FARSB: variants seen among roughly 807,000 people sequenced by gnomAD.
FARSB encodes phenylalanine--tRNA ligase beta subunit.
In FARSB, 40 loss-of-function variants were observed where a neutral mutation model predicts 69.6. The observed-to-expected ratio is 0.57, with a 90% confidence interval of 0.45 to 0.75. The LOEUF (loss-of-function observed/expected upper bound fraction) is 0.75, where lower values mean the gene tolerates loss of function less well. Among genes scored for constraint, FARSB ranks in the 30% least tolerant of loss-of-function variants. The pLI, the probability that FARSB is intolerant of heterozygous loss-of-function variation, is 0.00. For missense variants in FARSB, 632 were observed against 722.9 expected, an observed-to-expected ratio of 0.87 and a Z score of 1.44; for synonymous variants, 235 against 247.2, an observed-to-expected ratio of 0.95 and a Z score of 0.46.
chr2:222,614,949 T>C (rs1488649651), intron 14 of FARSB, among the ~76,000 whole-genome samples: 1 of 152,046 alleles, frequency 6.6e-6, no homozygotes, highest in African/African-American at 2.4e-5. Context: ...AGAATACAAA[T>C]ATGTAGGTGC....
At chr2:222,646,351 G>C (rs1691856800) in intron 2 of FARSB, among the ~76,000 whole-genome samples, 6 of 152,152 alleles carry the variant, frequency 3.9e-5, no homozygotes, top group Admixed American at 3.9e-4. Context: ...TATGAGGTAA[G>C]TTTTGTGTTG....
intron 14 of FARSB, 128 bp downstream of exon 14, chr2:222,619,517 C>T (rs897693614): frequency 8.3e-6 from 5 of 600,026 alleles, no homozygotes; most frequent in Admixed American, 5.6e-5. Flanking sequence ...TATAAACTTA[C>T]CCAAGAAGAT....
At chr2:222,639,997 T>C (rs1691678603) in intron 4 of FARSB, among the ~76,000 whole-genome samples, 1 of 152,212 alleles carries the variant, frequency 6.6e-6, no homozygotes, top group South Asian at 2.1e-4. Context: ...TAAAATTTCA[T>C]TAATGTTCCA....
At chr2:222,579,176 C>A (rs951247397) in intron 16 of FARSB, among the ~76,000 whole-genome samples, 2 of 152,096 alleles carry the variant, frequency 1.3e-5, no homozygotes, top group Non-Finnish European at 1.5e-5. Context: ...GGAGAGTAAG[C>A]AAAAGGTGAA....
chr2:222,604,722 A>ATTTTTTTTTTTTT (rs56201038), intron 15 of FARSB, among the ~76,000 whole-genome samples: 30 of 110,694 alleles, frequency 2.7e-4, no homozygotes, highest in East Asian at 5.3e-4. Context: ...TGCCCACTGA[A>ATTTTTTTTTTTTT]TTTTTTTTTT....
intron 9 of FARSB, among the ~76,000 whole-genome samples, chr2:222,629,385 A>C (rs908206176): frequency 6.6e-6 from 1 of 152,236 alleles, no homozygotes. Flanking sequence ...ATAGTTTTTT[A>C]AACTAAAAAT....
At chr2:222,572,991 C>T (rs1389864995) in intron 16 of FARSB, among the ~76,000 whole-genome samples, 3 of 152,156 alleles carry the variant, frequency 2.0e-5, no homozygotes, top group Admixed American at 6.5e-5. Flanking sequence ...ACTATAAACA[C>T]CCATGCAGAG....
chr2:222,586,517 C>A (rs933188537), intron 16 of FARSB, among the ~76,000 whole-genome samples: 22 of 152,122 alleles, frequency 1.4e-4, no homozygotes, highest in Non-Finnish European at 3.1e-4. Context: ...ATAATATTAA[C>A]CTTAAATGTA....
At chr2:222,595,277 A>G (rs1407508312) in intron 16 of FARSB, among the ~76,000 whole-genome samples, 6 of 152,226 alleles carry the variant, frequency 3.9e-5, no homozygotes, top group African/African-American at 1.4e-4. Context: ...AAGTTGTTCA[A>G]TAGATATTTT....
chr2:222,572,088 A>C, intron 16 of FARSB, 66 bp from the exon 17 acceptor site: 1 of 1,394,366 alleles, frequency 7.2e-7, no homozygotes, highest in East Asian at 2.3e-5. Context: ...GACATTTAAC[A>C]CTAAAAGCCC....
intron 2 of FARSB, among the ~76,000 whole-genome samples, chr2:222,645,895 C>T (rs1037272626): frequency 6.6e-6 from 1 of 152,002 alleles, no homozygotes. Context: ...TCAGTTATGT[C>T]TACTAGGTGA....
chr2:222,593,082 G>A (rs1000689894), intron 16 of FARSB, among the ~76,000 whole-genome samples: 4 of 152,068 alleles, frequency 2.6e-5, no homozygotes, highest in Admixed American at 1.3e-4. Context: ...ATCCATCGGG[G>A]GTCTTGGAAT....
intron 15 of FARSB, among the ~76,000 whole-genome samples, chr2:222,603,685 TATA>T (rs1224612414): frequency 1.3e-5 from 1 of 75,928 alleles, no homozygotes; most frequent in African/African-American, 3.2e-5. Context: ...TATTATATTA[TATA>T]TTATTATATA....
intron 9 of FARSB, among the ~76,000 whole-genome samples, chr2:222,629,295 G>A (rs1691357094): frequency 6.6e-6 from 1 of 151,994 alleles, no homozygotes; most frequent in Non-Finnish European, 1.5e-5. Context: ...GCTTTCTACA[G>A]TTATATATTT....
chr2:222,648,898 A>G (rs1691948118), intron 1 of FARSB, 103 bp from the exon 2 acceptor site: 1 of 783,084 alleles, frequency 1.3e-6, no homozygotes, highest in East Asian at 2.4e-5. Flanking sequence ...TACACCAATC[A>G]TACTACTAAA....
chr2:222,593,413 ACT>A (rs919435876), intron 16 of FARSB, among the ~76,000 whole-genome samples: 8 of 151,990 alleles, frequency 5.3e-5, no homozygotes, highest in Non-Finnish European at 1.0e-4. Flanking sequence ...TGATTGGAAG[ACT>A]CTATCCATTG....
intron 15 of FARSB, among the ~76,000 whole-genome samples, chr2:222,608,485 C>T (rs1690763579): frequency 6.6e-6 from 1 of 151,926 alleles, no homozygotes; most frequent in Non-Finnish European, 1.5e-5. Context: ...AAACCAATAG[C>T]AAATTGAAAG....
intron 16 of FARSB, among the ~76,000 whole-genome samples, chr2:222,579,997 G>T (rs1689927066): frequency 6.6e-6 from 1 of 152,180 alleles, no homozygotes; most frequent in Non-Finnish European, 1.5e-5. Context: ...ACATGGATTA[G>T]TGACAGAACG....
chr2:222,591,134 G>A (rs1314842126), intron 16 of FARSB, among the ~76,000 whole-genome samples: 1 of 151,234 alleles, frequency 6.6e-6, no homozygotes, highest in East Asian at 1.9e-4. Flanking sequence ...TTTTGCCTAG[G>A]AGTTGGAGGC....
Sources: gnomAD v4.1 joint callset for allele counts (sites outside exome capture counted in the v4.1 genomes callset) on GRCh38, gnomAD v4.1.1 for gene constraint, MANE v1.5 for transcripts, NCBI Gene and HGNC (gene_info 2026-07-23, HGNC 2026-07-21) for gene names.